The following IL1RAPL1 variants were observed in gnomAD, a reference collection of about 807,000 sequenced individuals.
The protein encoded by IL1RAPL1 is interleukin 1 receptor accessory protein like 1.
Under a neutral mutation model 48.4 loss-of-function variants are expected in IL1RAPL1, and 3 were observed. That is an observed-to-expected ratio of 0.06 (90% CI 0.03 to 0.16). The LOEUF (loss-of-function observed/expected upper bound fraction) is 0.16. Ranked by LOEUF, IL1RAPL1 falls within the 10% of genes least tolerant of loss-of-function variation. The pLI is 1.00. For missense variants in IL1RAPL1, 349 were observed against 530.6 expected, an observed-to-expected ratio of 0.66 and a Z score of 3.36; for synonymous variants, 185 against 187.7, an observed-to-expected ratio of 0.99 and a Z score of 0.12.
At chrX:29,738,028 A>G (rs962355605) in intron 6 of IL1RAPL1, among the ~76,000 whole-genome samples, 1 of 112,329 alleles carries the variant, frequency 8.9e-6, no homozygotes, top group East Asian at 2.8e-4. Context: ...TAAGAGATTT[A>G]AATTTCAAAG....
intron 5 of IL1RAPL1, among the ~76,000 whole-genome samples, chrX:29,545,178 CCTATCTATCTAT>C (rs74314245): frequency 0.35 from 32,156 of 91,603 alleles, 4,588 homozygotes; most frequent in Admixed American, 0.4. Context: ...GAAAACTAAT[CCTATCTATCTAT>C]CTATCTATCT....
intron 6 of IL1RAPL1, among the ~76,000 whole-genome samples, chrX:29,772,325 G>A (rs1436629630): frequency 9.1e-6 from 1 of 110,236 alleles, no homozygotes; most frequent in African/African-American, 3.3e-5. Flanking sequence ...GATATTTATA[G>A]TATGATAGAA....
intron 3 of IL1RAPL1, among the ~76,000 whole-genome samples, chrX:29,393,647 A>T (rs1333456111): frequency 9.0e-6 from 1 of 111,406 alleles, no homozygotes; most frequent in African/African-American, 3.3e-5. Context: ...TCTTGTGTCT[A>T]AACGATTTAT....
chrX:29,729,080 C>T (rs929424859), intron 6 of IL1RAPL1, among the ~76,000 whole-genome samples: 1 of 111,471 alleles, frequency 9.0e-6, no homozygotes, highest in African/African-American at 3.3e-5. Context: ...CTACGTTTTT[C>T]GATGGGTAGA....
At chrX:28,670,757 T>G (rs906065285) in intron 1 of IL1RAPL1, among the ~76,000 whole-genome samples, 2 of 112,147 alleles carry the variant, frequency 1.8e-5, no homozygotes, top group African/African-American at 6.5e-5. Flanking sequence ...TGAGATAAAT[T>G]CGAATTATTC....
At chrX:29,938,656 G>A (rs1387779326) in intron 8 of IL1RAPL1, among the ~76,000 whole-genome samples, 2 of 112,147 alleles carry the variant, frequency 1.8e-5, no homozygotes, top group African/African-American at 3.2e-5. Context: ...AATGAGTTCC[G>A]ACAAATATAA....
chrX:28,825,674 G>A (rs762529543), intron 2 of IL1RAPL1, among the ~76,000 whole-genome samples: 54 of 111,117 alleles, frequency 4.9e-4, no homozygotes, highest in African/African-American at 1.5e-3. Context: ...ACATTTGAAT[G>A]TATAATATAT....
chrX:29,305,779 G>A (rs1932607273), intron 3 of IL1RAPL1, among the ~76,000 whole-genome samples: 1 of 111,877 alleles, frequency 8.9e-6, no homozygotes, highest in Admixed American at 9.5e-5. Flanking sequence ...AGGATTTAGA[G>A]CGGTTATATG....
intron 6 of IL1RAPL1, among the ~76,000 whole-genome samples, chrX:29,756,740 G>A (rs1352395448): frequency 8.9e-6 from 1 of 111,943 alleles, no homozygotes; most frequent in African/African-American, 3.3e-5. Context: ...AATCTGTTAT[G>A]GATTGGATAT....
chrX:29,008,678 G>C (rs1602009140), intron 2 of IL1RAPL1, among the ~76,000 whole-genome samples: 1 of 109,159 alleles, frequency 9.2e-6, no homozygotes, highest in Non-Finnish European at 1.9e-5. Flanking sequence ...ATTTTTTTCA[G>C]CTCTTGTTTT....
At chrX:28,970,844 A>G (rs1383488038) in intron 2 of IL1RAPL1, among the ~76,000 whole-genome samples, 1 of 111,558 alleles carries the variant, frequency 9.0e-6, no homozygotes, top group Non-Finnish European at 1.9e-5. Flanking sequence ...CTTAAAATAT[A>G]TATGTAAGTT....
intron 5 of IL1RAPL1, among the ~76,000 whole-genome samples, chrX:29,447,650 T>A (rs971958386): frequency 8.9e-6 from 1 of 111,842 alleles, no homozygotes; most frequent in African/African-American, 3.2e-5. Context: ...ATAGAAAGAG[T>A]CCTTATACCA....
intron 6 of IL1RAPL1, among the ~76,000 whole-genome samples, chrX:29,787,543 A>C (rs1254356555): frequency 8.9e-6 from 1 of 111,877 alleles, no homozygotes; most frequent in Non-Finnish European, 1.9e-5. Context: ...GTAAGTAGTC[A>C]TTATTTAGTT....
At chrX:28,762,823 C>CACACACACACACACAGAG (rs1268556014) in intron 1 of IL1RAPL1, among the ~76,000 whole-genome samples, 7 of 36,772 alleles carry the variant, frequency 1.9e-4, no homozygotes, top group African/African-American at 5.3e-4. Context: ...CACACACACA[C>CACACACACACACACAGAG]AGAGAGAGAG....
At chrX:29,156,622 T>G (rs1179605756) in intron 2 of IL1RAPL1, among the ~76,000 whole-genome samples, 1 of 111,542 alleles carries the variant, frequency 9.0e-6, no homozygotes, top group Non-Finnish European at 1.9e-5. Context: ...CAGTAGCCAG[T>G]ATCTCTTATA....
chrX:28,709,906 T>C (rs1935420193), intron 1 of IL1RAPL1, among the ~76,000 whole-genome samples: 1 of 111,351 alleles, frequency 9.0e-6, no homozygotes, highest in Non-Finnish European at 1.9e-5. Flanking sequence ...ACTGTATTGT[T>C]TTAAAAGTGA....
intron 2 of IL1RAPL1, among the ~76,000 whole-genome samples, chrX:29,232,176 CTTT>C (rs933822628): frequency 4.5e-5 from 5 of 110,834 alleles, no homozygotes; most frequent in African/African-American, 1.6e-4. Context: ...TGTTTTTGTT[CTTT>C]TTGTTTTAAA....
chrX:29,691,433 T>G (rs1242260223), intron 6 of IL1RAPL1, among the ~76,000 whole-genome samples: 1 of 111,611 alleles, frequency 9.0e-6, no homozygotes, highest in Non-Finnish European at 1.9e-5. Flanking sequence ...TGAATGCTAG[T>G]GATTCCAAGA....
At chrX:29,426,998 T>A (rs1014743183) in intron 5 of IL1RAPL1, among the ~76,000 whole-genome samples, 32 of 103,972 alleles carry the variant, frequency 3.1e-4, no homozygotes, top group South Asian at 1.3e-3. Flanking sequence ...AAAACCTTTT[T>A]AAAAAAAAAA....
Sources: gnomAD v4.1 joint callset for allele counts (sites outside exome capture counted in the v4.1 genomes callset) on GRCh38, gnomAD v4.1.1 for gene constraint, MANE v1.5 for transcripts, NCBI Gene and HGNC (gene_info 2026-07-23, HGNC 2026-07-21) for gene names.